FIG4: variants seen among roughly 807,000 people sequenced by gnomAD.
FIG4 encodes the protein FIG4 phosphoinositide 5-phosphatase, also known as polyphosphoinositide phosphatase.
In FIG4, 112 loss-of-function variants were observed where a neutral mutation model predicts 118.6. That is an observed-to-expected ratio of 0.94 (90% CI 0.81 to 1.11). The LOEUF is 1.11. Among genes scored for constraint, FIG4 ranks in the 50% least tolerant of loss-of-function variants. FIG4 has a pLI of 0.00. For missense variants in FIG4, 969 were observed against 1,111.7 expected (o/e 0.87, Z 1.83); for synonymous variants, 369 against 381.2 (o/e 0.97, Z 0.37).
At chr6:109,734,664 T>C (rs1414861798) in intron 5 of FIG4, among the ~76,000 whole-genome samples, 1 of 152,086 alleles carries the variant, frequency 6.6e-6, no homozygotes, top group Non-Finnish European at 1.5e-5. Flanking sequence ...TAATGGCCTA[T>C]ATTATTTGCT....
chr6:109,778,668 A>G (rs983472777), intron 16 of FIG4, among the ~76,000 whole-genome samples: 24 of 151,806 alleles, frequency 1.6e-4, no homozygotes, highest in Non-Finnish European at 2.7e-4. Flanking sequence ...GCGCGATCTC[A>G]GCTCACTGCA....
chr6:109,754,104 G>A (rs2128389478), intron 10 of FIG4, among the ~76,000 whole-genome samples: 1 of 152,292 alleles, frequency 6.6e-6, no homozygotes, highest in African/African-American at 2.4e-5. Flanking sequence ...ATTATTTTGA[G>A]ATATGTCCCA....
At chr6:109,716,334 T>C in intron 2 of FIG4, 111 bp from the exon 3 acceptor site, 1 of 1,069,254 alleles carries the variant, frequency 9.4e-7, no homozygotes. Context: ...TATATACTTC[T>C]GTATGAAATA....
intron 3 of FIG4, among the ~76,000 whole-genome samples, chr6:109,718,799 C>G (rs1775514794): frequency 6.6e-6 from 1 of 151,882 alleles, no homozygotes; most frequent in Non-Finnish European, 1.5e-5. Context: ...ACTTTCAGTC[C>G]TGCTTATATT....
chr6:109,747,445 A>G (rs142054185), intron 10 of FIG4, among the ~76,000 whole-genome samples: 67 of 152,238 alleles, frequency 4.4e-4, no homozygotes, highest in African/African-American at 1.5e-3. Context: ...GTGTTTCACA[A>G]TGAAGGAAGT....
At chr6:109,771,017 T>C (rs573363823) in intron 15 of FIG4, among the ~76,000 whole-genome samples, 3 of 152,354 alleles carry the variant, frequency 2.0e-5, no homozygotes, top group Non-Finnish European at 4.4e-5. Flanking sequence ...AAAGGGAACA[T>C]GCTGAGAACA....
intron 10 of FIG4, among the ~76,000 whole-genome samples, chr6:109,753,503 G>A (rs533638403): frequency 3.9e-5 from 6 of 152,150 alleles, no homozygotes; most frequent in Non-Finnish European, 8.8e-5. Flanking sequence ...GCTTGATGGG[G>A]ATGGCATTGA....
intron 22 of FIG4, among the ~76,000 whole-genome samples, chr6:109,821,877 A>C (rs1282041843): frequency 6.6e-6 from 1 of 152,198 alleles, no homozygotes; most frequent in Non-Finnish European, 1.5e-5. Context: ...AAATTGTAAG[A>C]AAAAGAAAAG....
intron 1 of FIG4, among the ~76,000 whole-genome samples, chr6:109,699,478 T>C (rs564407544): frequency 3.9e-4 from 59 of 152,010 alleles, no homozygotes; most frequent in Middle Eastern, 3.4e-3. Context: ...TTTTTCCTCA[T>C]ACGCGGTTTT....
chr6:109,822,783 G>GTA (rs10538120), intron 22 of FIG4, among the ~76,000 whole-genome samples: 6 of 120,678 alleles, frequency 5.0e-5, no homozygotes, highest in African/African-American at 1.1e-4. Context: ...GTGTGTGTGT[G>GTA]TATGTATATA....
At chr6:109,705,462 T>C (rs1420421832) in intron 1 of FIG4, among the ~76,000 whole-genome samples, 1 of 152,172 alleles carries the variant, frequency 6.6e-6, no homozygotes, top group Admixed American at 6.5e-5. Context: ...TTTTTAGGAT[T>C]CTTAGACTGT....
intron 22 of FIG4, among the ~76,000 whole-genome samples, chr6:109,816,926 G>T (rs943884081): frequency 6.6e-6 from 1 of 152,206 alleles, no homozygotes; most frequent in African/African-American, 2.4e-5. Context: ...CAATCCATTG[G>T]TCTGAGTTTC....
intron 22 of FIG4, among the ~76,000 whole-genome samples, chr6:109,808,159 G>A (rs1778618843): frequency 6.6e-6 from 1 of 152,004 alleles, no homozygotes; most frequent in Non-Finnish European, 1.5e-5. Context: ...GCTAGCAGCT[G>A]TCACCAAAGG....
At position 109,825,259 on chromosome 6, in the gene FIG4, C is replaced by T; in HGVS notation, c.2718C>T (p.Tyr906=). ...ACCGAGAGTACATCAGGAACCGCTA[C>T]CTGTGAAAAGAGCGCAGGTCCACCT... ...SMYREYIRNR[Y]L is the part of the protein sequence containing the mutation. The change falls in exon 23 of 23, where the codon TAC becomes TAT. Residue 906 remains tyrosine, a synonymous_variant. Coordinates refer to ENST00000230124, the MANE Select transcript of FIG4 (RefSeq NM_014845.6). 1.2e-6 allele frequency: 2 copies of T among 1,614,004 alleles called. No individual in the cohort carries two copies. The highest frequency in any genetic ancestry group is 1.7e-6 in the Non-Finnish European group (2 of 1,179,914).
intron 1 of FIG4, among the ~76,000 whole-genome samples, chr6:109,700,754 C>G (rs1774880847): frequency 6.6e-6 from 1 of 152,166 alleles, no homozygotes; most frequent in Non-Finnish European, 1.5e-5. Context: ...TGTACACAAA[C>G]TTTGTTTCAT....
At chr6:109,817,568 T>TTAAA (rs1176574849) in intron 22 of FIG4, among the ~76,000 whole-genome samples, 1 of 139,962 alleles carries the variant, frequency 7.1e-6, no homozygotes, top group Admixed American at 7.0e-5. Context: ...AGAGAGTGTG[T>TTAAA]AAAAAAAAAA....
chr6:109,785,037 C>A lies in FIG4; in HGVS notation c.1948+9C>A, dbSNP rs778590272. Reference sequence around the variant, plus strand: ...ATTGCCCTATGATGAAGGTAGGTAACTGTTTGTGTTTTAGTTTTTACACTA... The same window carrying A: ...ATTGCCCTATGATGAAGGTAGGTAAATGTTTGTGTTTTAGTTTTTACACTA... On this transcript the variant is annotated intron_variant, in intron 17 of 22. Coordinates refer to ENST00000230124, the MANE Select transcript of FIG4 (RefSeq NM_014845.6). The A allele has an allele frequency of 2.7e-6, 4 of 1,507,142 alleles. No homozygotes were observed. The highest frequency in any genetic ancestry group is 3.7e-6 in the Non-Finnish European group (4 of 1,081,162). 93.4% of individuals were successfully genotyped at this position (1,507,142 alleles called of 1,614,324 possible). A position where few individuals can be genotyped will look rare whatever the true frequency, so the allele number is the denominator to read the frequency against.
intron 22 of FIG4, among the ~76,000 whole-genome samples, chr6:109,814,629 A>G (rs1387962179): frequency 6.6e-6 from 1 of 152,016 alleles, no homozygotes; most frequent in Non-Finnish European, 1.5e-5. Flanking sequence ...CTGTGTATTC[A>G]ATGGGATATA....
intron 10 of FIG4, among the ~76,000 whole-genome samples, chr6:109,750,846 T>C (rs1441252063): frequency 6.6e-6 from 1 of 152,274 alleles, no homozygotes; most frequent in East Asian, 1.9e-4. Flanking sequence ...AAATGTCAGA[T>C]TTGATATAAG....
Sources: gnomAD v4.1 joint callset for allele counts (sites outside exome capture counted in the v4.1 genomes callset) on GRCh38, gnomAD v4.1.1 for gene constraint, MANE v1.5 for transcripts, NCBI Gene and HGNC (gene_info 2026-07-23, HGNC 2026-07-21) for gene names.